The following LRRC49 variants were observed in gnomAD, a reference collection of about 807,000 sequenced individuals.
LRRC49 encodes the protein leucine-rich repeat-containing protein 49.
LRRC49 carries 50 observed loss-of-function variants against 83.3 expected under a neutral mutation model. The ratio of observed to expected loss-of-function variants is 0.60; its 90% CI spans 0.48 to 0.76. The LOEUF is 0.76. Ranked by LOEUF, LRRC49 falls within the 30% of genes least tolerant of loss-of-function variation. The probability of loss-of-function intolerance (pLI) is 0.00; values close to 1 mark genes in which losing one functional copy is unlikely to be tolerated. For missense variants in LRRC49, 704 were observed against 809.1 expected, an observed-to-expected ratio of 0.87 and a Z score of 1.58; for synonymous variants, 286 against 283.3, an observed-to-expected ratio of 1.01 and a Z score of -0.10.
intron 1 of LRRC49, 111 bp downstream of exon 1, chr15:70,893,053 C>T (rs1249615777): frequency 1.7e-5 from 21 of 1,233,534 alleles, no homozygotes; most frequent in Non-Finnish European, 1.9e-5. Context: ...TGGGTCTACT[C>T]AAGCTATTGT....
rs2035184878 is a variant in LRRC49 at position 70,926,086 on chromosome 15, G to A, written c.711+6893G>A. Among the ~76,000 whole-genome samples the A allele has an allele frequency of 2.6e-5, 4 of 152,068 alleles. No homozygotes were observed. The South Asian group carries it at 8.3e-4, about 31-fold the overall frequency. On this transcript the variant is annotated intron_variant, in intron 7 of 15. Coordinates refer to ENST00000260382, the MANE Select transcript of LRRC49 (RefSeq NM_017691.5). ...TAATGTCTTGATATTCATCCATTTT[G>A]TTGTGCATATCAGTAGTTTAAAAAA... is the stretch of plus-strand genomic sequence containing the variant.
chr15:70,881,125 A>G (rs1313738951), intron 2 of LRRC49, among the ~76,000 whole-genome samples: 1 of 152,134 alleles, frequency 6.6e-6, no homozygotes, highest in African/African-American at 2.4e-5. Flanking sequence ...GCTACTCAGG[A>G]GACTGAGGTG....
intron 7 of LRRC49, among the ~76,000 whole-genome samples, chr15:70,929,667 C>T (rs2035335887): frequency 6.6e-6 from 1 of 152,200 alleles, no homozygotes; most frequent in Non-Finnish European, 1.5e-5. Flanking sequence ...AGACTTCTTT[C>T]AGAATTGAAA....
chr15:70,962,128 A>G (rs970799680), intron 8 of LRRC49, among the ~76,000 whole-genome samples: 10 of 152,184 alleles, frequency 6.6e-5, no homozygotes, highest in Non-Finnish European at 1.3e-4. Context: ...ACATTCTGAT[A>G]CCTCTATACA....
rs1467854609 is a variant in LRRC49 at position 70,963,923 on chromosome 15, G to C, written c.912G>C (p.Lys304Asn). 1.2e-6 allele frequency: 2 copies of C among 1,612,986 alleles called. No homozygotes were observed. Among genetic ancestry groups the C allele is most frequent in the Admixed American group, 1.7e-5 (1 of 59,920 alleles). The change falls in exon 9 of 16, where the codon AAG becomes AAC. Residue 304 changes from lysine to asparagine, a missense_variant. By Grantham distance (94) the Lys-to-Asn change is moderately conservative. Around this residue, in one of 3 missense-constraint regions of LRRC49, gnomAD observed 168 missense variants for 140.6 expected, o/e 1.20. Transcript: ENST00000260382. ...NMMQLRQLDMKRITEEERRMA... is the reference protein window; with the variant it reads ...NMMQLRQLDMNRITEEERRMA... ...TGCAGCTGCGCCAGCTAGATATGAA[G>C]AGAATCACGGTGAGAACCCTTCCAA...
At chr15:70,943,385 T>C (rs1368070399) in intron 8 of LRRC49, among the ~76,000 whole-genome samples, 1 of 152,094 alleles carries the variant, frequency 6.6e-6, no homozygotes, top group African/African-American at 2.4e-5. Flanking sequence ...TTAAAAAGCT[T>C]TAGGGCAGGA....
intron 7 of LRRC49, among the ~76,000 whole-genome samples, chr15:70,926,976 G>GA (rs1348152395): frequency 1.3e-5 from 2 of 152,080 alleles, no homozygotes; most frequent in Non-Finnish European, 1.5e-5. Context: ...ACAGACACAT[G>GA]AAAAAATGCT....
chr15:70,884,626 C>A (rs1309529678), intron 2 of LRRC49, among the ~76,000 whole-genome samples: 3 of 152,006 alleles, frequency 2.0e-5, no homozygotes, highest in South Asian at 2.1e-4. Flanking sequence ...AAGGGTTTAT[C>A]TCCACGTTTA....
intron 7 of LRRC49, among the ~76,000 whole-genome samples, chr15:70,934,225 A>C (rs1401876603): frequency 1.3e-5 from 2 of 152,214 alleles, no homozygotes; most frequent in Non-Finnish European, 2.9e-5. Flanking sequence ...TAAATAATGC[A>C]TGCATAGATA....
chr15:71,043,450 G>A (rs978652462), intron 15 of LRRC49, among the ~76,000 whole-genome samples: 1 of 152,164 alleles, frequency 6.6e-6, no homozygotes, highest in Non-Finnish European at 1.5e-5. Context: ...AAAGAGATGA[G>A]TATATGAAAG....
chr15:70,977,803 T>C (rs1478346895), intron 9 of LRRC49, among the ~76,000 whole-genome samples: 1 of 152,022 alleles, frequency 6.6e-6, no homozygotes, highest in East Asian at 1.9e-4. Context: ...CTATCTAAAA[T>C]CAGTAAAATT....
At chr15:71,038,606 G>A (rs879266605) in intron 15 of LRRC49, among the ~76,000 whole-genome samples, 10 of 152,016 alleles carry the variant, frequency 6.6e-5, no homozygotes, top group Non-Finnish European at 1.5e-4. Flanking sequence ...CCTACAAGAT[G>A]TTCTACTTTA....
chr15:70,917,086 C>T (rs1189027306), intron 6 of LRRC49, among the ~76,000 whole-genome samples: 1 of 152,234 alleles, frequency 6.6e-6, no homozygotes, highest in Non-Finnish European at 1.5e-5. Context: ...AGTGCTTACA[C>T]ACCAGTCCCT....
rs1339178740 is a variant in LRRC49, at chr15:71,053,084, T to C, written c.*3472T>C. The C allele has an allele frequency of 6.6e-6, 1 of 152,182 alleles. No individual in the cohort carries two copies. Among genetic ancestry groups the C allele is most frequent in the African/African-American group, 2.4e-5 (1 of 41,442 alleles). The allele number at this position is 152,182 out of a possible 1,614,324, so 9.4% of individuals were successfully genotyped here. A position where few individuals can be genotyped will look rare whatever the true frequency, so the allele number is the denominator to read the frequency against. Reference sequence around the variant, plus strand: ...TTGGCAGCTGGATTCATTGCAATAATGTGTAGAGAATCAACTTCAGGAGGG... The same window carrying C: ...TTGGCAGCTGGATTCATTGCAATAACGTGTAGAGAATCAACTTCAGGAGGG... On this transcript the variant is annotated 3_prime_UTR_variant, in exon 16 of 16. Coordinates refer to ENST00000260382, the MANE Select transcript of LRRC49 (RefSeq NM_017691.5).
At position 70,858,843 on chromosome 15, in the gene LRRC49, C is replaced by T. The variant is rs1047792718; in HGVS notation, c.-299+5374C>T. ...TGAGATTCTCCCGAGTGGGCAGCAG[C>T]AGCTTCTGGGGTGGCCTGGGTGGAG... is the stretch of plus-strand genomic sequence containing the variant. On this transcript the variant is annotated intron_variant, in intron 1 of 16. Coordinates refer to the LRRC49 transcript ENST00000544974. 59 of 780,516 alleles carry T rather than the reference C, an allele frequency of 7.6e-5. No homozygotes were observed. The African/African-American group carries it at 9.5e-4, about 13-fold the overall frequency. The allele number at this position is 780,516 out of a possible 1,614,324, so 48.3% of individuals were successfully genotyped here. A position where few individuals can be genotyped will look rare whatever the true frequency, so the allele number is the denominator to read the frequency against.
intron 11 of LRRC49, among the ~76,000 whole-genome samples, chr15:71,001,665 T>A (rs759758544): frequency 1.1e-4 from 17 of 152,094 alleles, no homozygotes; most frequent in African/African-American, 9.7e-5. Context: ...AGGGAGAGCT[T>A]TTAAACACAT....
rs552592880 is a variant in LRRC49, at chr15:70,917,020, T to C, written c.568-2030T>C. ...TGCCTGCTCCAATCTCAGAGCAAAGTTGTGGTTGAGCCTGGGTGCTGTGGC... is the reference window on the plus strand; with the variant it reads ...TGCCTGCTCCAATCTCAGAGCAAAGCTGTGGTTGAGCCTGGGTGCTGTGGC... On this transcript the variant is annotated intron_variant, in intron 6 of 15. Coordinates refer to ENST00000260382, the MANE Select transcript of LRRC49 (RefSeq NM_017691.5). Among the ~76,000 whole-genome samples the C allele has an allele frequency of 3.9e-5, 6 of 152,300 alleles. No individual in the cohort carries two copies. The South Asian group carries it at 1.2e-3, about 32-fold the overall frequency.
chr15:70,915,314 T>A (rs1045351822), intron 6 of LRRC49, among the ~76,000 whole-genome samples: 5 of 152,192 alleles, frequency 3.3e-5, no homozygotes, highest in Admixed American at 2.0e-4. Context: ...GGTAACTAAA[T>A]GCAGGCATTC....
At chr15:70,912,497 T>C (rs930732992) in intron 6 of LRRC49, among the ~76,000 whole-genome samples, 14 of 152,202 alleles carry the variant, frequency 9.2e-5, no homozygotes, top group Admixed American at 5.9e-4. Flanking sequence ...CTTCCTATTC[T>C]TTTCAACATT....
Sources: allele counts gnomAD v4.1 joint callset (sites outside exome capture counted in the v4.1 genomes callset), GRCh38; gene constraint gnomAD v4.1.1; regional missense constraint gnomAD v4.1.1; transcripts MANE v1.5; gene names NCBI Gene and HGNC (gene_info 2026-07-23, HGNC 2026-07-21).